The following CACNA2D3 variants were observed in gnomAD, a reference collection of about 807,000 sequenced individuals.
CACNA2D3 encodes the protein calcium voltage-gated channel auxiliary subunit alpha2delta 3, also known as voltage-dependent calcium channel subunit alpha-2/delta-3.
In CACNA2D3, 60 loss-of-function variants were observed where a neutral mutation model predicts 160.6. The observed-to-expected ratio is 0.37, with a 90% CI of 0.30 to 0.46. The LOEUF (loss-of-function observed/expected upper bound fraction) is 0.46. CACNA2D3 is among the 20% of genes least tolerant of loss of function. The probability of loss-of-function intolerance (pLI) is 1.00; values close to 1 mark genes in which losing one functional copy is unlikely to be tolerated. For missense variants in CACNA2D3, 1,205 were observed against 1,365.0 expected (o/e 0.88, Z 1.85); for synonymous variants, 558 against 492.9 (o/e 1.13, Z -1.75).
At chr3:54,195,210 A>G (rs2107342459) in intron 2 of CACNA2D3, among the ~76,000 whole-genome samples, 1 of 152,304 alleles carries the variant, frequency 6.6e-6, no homozygotes, top group African/African-American at 2.4e-5. Context: ...CCGTTGTCCC[A>G]GGGCATTCTG....
At chr3:54,663,753 A>G (rs946212118) in intron 11 of CACNA2D3, among the ~76,000 whole-genome samples, 1 of 152,122 alleles carries the variant, frequency 6.6e-6, no homozygotes, top group South Asian at 2.1e-4. Context: ...CTTCCTTGCC[A>G]TGTGCACACC....
intron 2 of CACNA2D3, among the ~76,000 whole-genome samples, chr3:54,279,518 C>G (rs1312596927): frequency 6.6e-6 from 1 of 152,214 alleles, no homozygotes; most frequent in African/African-American, 2.4e-5. Flanking sequence ...TGAGACTGCA[C>G]TTAGCTTGCA....
chr3:54,572,534 C>T (rs1046681186), intron 8 of CACNA2D3, among the ~76,000 whole-genome samples: 10 of 152,276 alleles, frequency 6.6e-5, no homozygotes, highest in Non-Finnish European at 1.0e-4. Flanking sequence ...AAAGGTGGCA[C>T]GGTGAAGGCT....
chr3:54,169,448 G>A (rs553864126), intron 2 of CACNA2D3, among the ~76,000 whole-genome samples: 1 of 152,212 alleles, frequency 6.6e-6, no homozygotes, highest in Non-Finnish European at 1.5e-5. Context: ...GTGGACCATG[G>A]CCTCTCATTT....
chr3:54,813,882 T>TTTTTTA (rs1703391155), intron 13 of CACNA2D3, among the ~76,000 whole-genome samples: 1 of 149,760 alleles, frequency 6.7e-6, no homozygotes, highest in African/African-American at 2.5e-5. Flanking sequence ...TTTTTTTTTT[T>TTTTTTA]GAGACAGGAT....
intron 4 of CACNA2D3, among the ~76,000 whole-genome samples, chr3:54,471,175 G>A (rs1700725556): frequency 6.6e-6 from 1 of 152,134 alleles, no homozygotes; most frequent in Non-Finnish European, 1.5e-5. Context: ...ACACTCCTCA[G>A]CAAATGCAAA....
chr3:55,001,657 T>A (rs1234596696), intron 31 of CACNA2D3, among the ~76,000 whole-genome samples: 1 of 152,202 alleles, frequency 6.6e-6, no homozygotes, highest in Non-Finnish European at 1.5e-5. Context: ...CTCTTGAGCC[T>A]TTGGGAACAG....
chr3:54,478,511 A>G (rs990443387), intron 4 of CACNA2D3, among the ~76,000 whole-genome samples: 1 of 151,436 alleles, frequency 6.6e-6, no homozygotes, highest in Non-Finnish European at 1.5e-5. Context: ...AGGCGCCTGT[A>G]GTCCCAGCTA....
chr3:54,460,880 T>G (rs1700490915), intron 4 of CACNA2D3, among the ~76,000 whole-genome samples: 1 of 152,224 alleles, frequency 6.6e-6, no homozygotes, highest in Admixed American at 6.5e-5. Context: ...GCTTCCAGTT[T>G]TTGCCCATTC....
rs368101865 is a variant in CACNA2D3 at position 54,128,873 on chromosome 3, C to A, written c.204+5279C>A. On this transcript the variant is annotated intron_variant, in intron 2 of 37. Coordinates refer to ENST00000474759, the MANE Select transcript of CACNA2D3 (RefSeq NM_018398.3). ...GAATTAGCATATGTGATTTTTTTCCCCTTTAAATGTAATTTTTATACAAGA... is the reference window on the plus strand; with the variant it reads ...GAATTAGCATATGTGATTTTTTTCCACTTTAAATGTAATTTTTATACAAGA... 3.3e-5 allele frequency among the ~76,000 whole-genome samples: 5 copies of A among 152,172 alleles called. No homozygotes were observed. The East Asian group carries it at 7.7e-4, about 23-fold the overall frequency.
At chr3:54,808,434 C>T (rs760911380) in intron 13 of CACNA2D3, among the ~76,000 whole-genome samples, 10 of 152,020 alleles carry the variant, frequency 6.6e-5, no homozygotes, top group Admixed American at 2.6e-4. Flanking sequence ...CTAGGTCTTT[C>T]CTCACAGATT....
chr3:54,786,771 A>G (rs11718786), intron 13 of CACNA2D3, among the ~76,000 whole-genome samples: 15,311 of 152,192 alleles, frequency 0.1, 1,022 homozygotes, highest in East Asian at 0.29. Context: ...AAAACACACA[A>G]CTGATTTTAC....
chr3:54,606,771 C>T (rs574999496), intron 9 of CACNA2D3, among the ~76,000 whole-genome samples: 1 of 152,226 alleles, frequency 6.6e-6, no homozygotes, highest in East Asian at 1.9e-4. Flanking sequence ...AACAAGAAGA[C>T]GACGTGGCCT....
intron 29 of CACNA2D3, among the ~76,000 whole-genome samples, chr3:54,982,445 A>G (rs1702527333): frequency 6.6e-6 from 1 of 152,042 alleles, no homozygotes; most frequent in Non-Finnish European, 1.5e-5. Flanking sequence ...CACCCCACTT[A>G]CCCAAAGTCA....
chr3:54,989,302 G>A (rs575373081), intron 31 of CACNA2D3, among the ~76,000 whole-genome samples: 2 of 152,188 alleles, frequency 1.3e-5, no homozygotes, highest in Non-Finnish European at 2.9e-5. Flanking sequence ...AGGGTGTAAT[G>A]GAATTTTGAA....
chr3:54,249,556 C>A (rs991104998), intron 2 of CACNA2D3, among the ~76,000 whole-genome samples: 1 of 135,960 alleles, frequency 7.4e-6, no homozygotes. Context: ...TCTCTGTTTA[C>A]GTACACACAC....
chr3:54,651,741 C>G (rs757186859), intron 11 of CACNA2D3, among the ~76,000 whole-genome samples: 1 of 152,096 alleles, frequency 6.6e-6, no homozygotes, highest in Non-Finnish European at 1.5e-5. Flanking sequence ...CAGCCTTGCC[C>G]CAGTGGCCTC....
intron 27 of CACNA2D3, among the ~76,000 whole-genome samples, chr3:54,941,003 A>G (rs1701452384): frequency 6.6e-6 from 1 of 151,992 alleles, no homozygotes; most frequent in Admixed American, 6.5e-5. Flanking sequence ...CAGTTAACAC[A>G]TTTAAAACTT....
Position 54,923,162 on chromosome 3 carries a change from A to G in CACNA2D3, c.2449+23294A>G, listed in dbSNP as rs533257016. 1.2e-3 allele frequency among the ~76,000 whole-genome samples: 183 copies of G among 152,232 alleles called. 1 individual carries two copies. The highest frequency in any genetic ancestry group is 4.2e-3 in the African/African-American group (176 of 41,544). ...ATCAGATCCTATTGTTCCCTTGACT[A>G]AAACTCTTCAAGAGCTTTCCATCTC... On this transcript the variant is annotated intron_variant, in intron 27 of 37. Coordinates refer to ENST00000474759, the MANE Select transcript of CACNA2D3 (RefSeq NM_018398.3).
Sources: gnomAD v4.1 joint callset for allele counts (sites outside exome capture counted in the v4.1 genomes callset) on GRCh38, gnomAD v4.1.1 for gene constraint, MANE v1.5 for transcripts, NCBI Gene and HGNC (gene_info 2026-07-23, HGNC 2026-07-21) for gene names.